Variants in HS3ST4 observed in about 807,000 individuals in gnomAD.
HS3ST4 encodes the protein heparan sulfate glucosamine 3-O-sulfotransferase 4.
HS3ST4 carries 17 observed loss-of-function variants against 29.2 expected under a neutral mutation model. The ratio of observed to expected loss-of-function variants is 0.58; its 90% CI spans 0.40 to 0.87. The LOEUF (loss-of-function observed/expected upper bound fraction) is 0.87, where lower values mean the gene tolerates loss of function less well. HS3ST4 is among the 40% of genes least tolerant of loss of function. The pLI is 0.00. For missense variants in HS3ST4, 627 were observed against 634.5 expected, an observed-to-expected ratio of 0.99 and a Z score of 0.13; for synonymous variants, 314 against 285.7, an observed-to-expected ratio of 1.10 and a Z score of -1.00.
At chr16:25,991,392 AAG>A (rs1175229842) in intron 1 of HS3ST4, among the ~76,000 whole-genome samples, 1 of 152,186 alleles carries the variant, frequency 6.6e-6, no homozygotes, top group Non-Finnish European at 1.5e-5. Context: ...CACCTACTGA[AAG>A]AAAAAAAGAG....
At chr16:25,908,820 A>T (rs1280340642) in intron 1 of HS3ST4, among the ~76,000 whole-genome samples, 5 of 152,250 alleles carry the variant, frequency 3.3e-5, no homozygotes, top group Admixed American at 6.5e-5. Context: ...AGAAGCCTTA[A>T]CAACCAAGGA....
chr16:25,732,346 G>C (rs1172097966), intron 1 of HS3ST4, among the ~76,000 whole-genome samples: 4 of 152,188 alleles, frequency 2.6e-5, no homozygotes, highest in Non-Finnish European at 4.4e-5. Flanking sequence ...GTTGACACGT[G>C]CTTGCAAAAA....
chr16:26,033,480 A>C (rs1317835054), intron 1 of HS3ST4, among the ~76,000 whole-genome samples: 1 of 150,200 alleles, frequency 6.7e-6, no homozygotes, highest in Non-Finnish European at 1.5e-5. Context: ...ACACCACTGC[A>C]CTCCAGCATG....
chr16:25,939,627 C>T (rs552666751), intron 1 of HS3ST4, among the ~76,000 whole-genome samples: 5 of 152,132 alleles, frequency 3.3e-5, no homozygotes, highest in Non-Finnish European at 7.3e-5. Context: ...GCGTGAGCCA[C>T]CGTACCCGGC....
intron 1 of HS3ST4, among the ~76,000 whole-genome samples, chr16:26,055,172 A>G (rs987869013): frequency 6.6e-6 from 1 of 151,770 alleles, no homozygotes; most frequent in African/African-American, 2.4e-5. Flanking sequence ...CAGGGCCCTC[A>G]GCAGGGAGGC....
At chr16:25,871,560 A>G (rs553246855) in intron 1 of HS3ST4, among the ~76,000 whole-genome samples, 1 of 152,306 alleles carries the variant, frequency 6.6e-6, no homozygotes, top group South Asian at 2.1e-4. Flanking sequence ...ACTTGTACGT[A>G]TGTGTATTAC....
intron 1 of HS3ST4, among the ~76,000 whole-genome samples, chr16:26,110,272 T>C (rs1899111575): frequency 6.6e-6 from 1 of 152,192 alleles, no homozygotes; most frequent in Admixed American, 6.5e-5. Context: ...GTATATATTA[T>C]ATATATGGTA....
chr16:25,795,601 A>G (rs935300100), intron 1 of HS3ST4, among the ~76,000 whole-genome samples: 5 of 152,138 alleles, frequency 3.3e-5, no homozygotes, highest in Admixed American at 6.5e-5. Context: ...TTTCCCATTG[A>G]TGCTACTTTT....
chr16:25,694,838 A>G (rs776830306), intron 1 of HS3ST4, among the ~76,000 whole-genome samples: 32 of 152,008 alleles, frequency 2.1e-4, no homozygotes, highest in Non-Finnish European at 4.7e-4. Flanking sequence ...AGGCAGAAAG[A>G]TCAAATCTTT....
intron 1 of HS3ST4, among the ~76,000 whole-genome samples, chr16:25,878,852 G>T (rs1397747950): frequency 1.3e-5 from 2 of 152,104 alleles, no homozygotes; most frequent in Non-Finnish European, 2.9e-5. Context: ...CAGATATCGG[G>T]CCAAGGGCTG....
intron 1 of HS3ST4, among the ~76,000 whole-genome samples, chr16:26,100,431 A>G (rs1435996987): frequency 2.0e-5 from 3 of 152,186 alleles, no homozygotes; most frequent in Admixed American, 6.5e-5. Context: ...CACATCCTCA[A>G]CTGCAAATGC....
chr16:25,932,484 G>T (rs1968474071), intron 1 of HS3ST4, among the ~76,000 whole-genome samples: 1 of 151,430 alleles, frequency 6.6e-6, no homozygotes, highest in Non-Finnish European at 1.5e-5. Flanking sequence ...CATTTTTTTT[G>T]CCCCTGCCTC....
At chr16:25,895,449 T>G (rs1227794232) in intron 1 of HS3ST4, among the ~76,000 whole-genome samples, 1 of 151,728 alleles carries the variant, frequency 6.6e-6, no homozygotes, top group Non-Finnish European at 1.5e-5. Flanking sequence ...GGAGGGTGAA[T>G]GGATGCTGGG....
At position 25,804,266 on chromosome 16, in the gene HS3ST4, G is replaced by A. The variant is rs74248778; in HGVS notation, c.734+111115G>A. Among the ~76,000 whole-genome samples, 67 of 152,260 alleles carry A rather than the reference G, an allele frequency of 4.4e-4. No homozygotes were observed. In the East Asian group the frequency reaches 0.012, roughly 27 times the overall value. Reference sequence around the variant, plus strand: ...ATCATCTATAGAAACCACGATAACAGCAATTTCTAAATAATTTTAACCTTT... The same window carrying A: ...ATCATCTATAGAAACCACGATAACAACAATTTCTAAATAATTTTAACCTTT... On this transcript the variant is annotated intron_variant, in intron 1 of 1. Coordinates refer to ENST00000331351, the MANE Select transcript of HS3ST4 (RefSeq NM_006040.3).
chr16:25,927,642 A>G (rs1467740361), intron 1 of HS3ST4, among the ~76,000 whole-genome samples: 3 of 151,566 alleles, frequency 2.0e-5, no homozygotes, highest in African/African-American at 7.3e-5. Context: ...TGGATAGAAT[A>G]GCTCCCGTCT....
chr16:25,911,496 G>GTTTTTTTTT (rs542274531), intron 1 of HS3ST4, among the ~76,000 whole-genome samples: 2 of 82,000 alleles, frequency 2.4e-5, no homozygotes, highest in African/African-American at 9.5e-5. Flanking sequence ...CCGTTGTGTG[G>GTTTTTTTTT]TTTTTTTTTT....
chr16:26,001,424 G>GT (rs1427979230), intron 1 of HS3ST4, among the ~76,000 whole-genome samples: 10 of 151,484 alleles, frequency 6.6e-5, no homozygotes, highest in Admixed American at 2.6e-4. Context: ...CATATACAGG[G>GT]TTTTTTTTGT....
intron 1 of HS3ST4, among the ~76,000 whole-genome samples, chr16:25,707,517 G>A (rs1225667313): frequency 6.6e-6 from 1 of 152,138 alleles, no homozygotes; most frequent in African/African-American, 2.4e-5. Context: ...AGATGAGGGG[G>A]CACTATTGTA....
intron 1 of HS3ST4, among the ~76,000 whole-genome samples, chr16:25,942,397 C>T (rs1968580842): frequency 6.6e-6 from 1 of 152,086 alleles, no homozygotes; most frequent in South Asian, 2.1e-4. Context: ...TATTATATTT[C>T]CTCCTCTTTG....
Sources: gnomAD v4.1 joint callset for allele counts (sites outside exome capture counted in the v4.1 genomes callset) on GRCh38, gnomAD v4.1.1 for gene constraint, MANE v1.5 for transcripts, NCBI Gene and HGNC (gene_info 2026-07-23, HGNC 2026-07-21) for gene names.